Variants in VPS35L observed in about 807,000 individuals in gnomAD.
VPS35L encodes the protein VPS35 endosomal protein-sorting factor-like.
VPS35L carries 83 observed loss-of-function variants against 133.0 expected under a neutral mutation model. The observed-to-expected ratio is 0.62, with a 90% CI of 0.52 to 0.75. The LOEUF is 0.75. Among genes scored for constraint, VPS35L ranks in the 30% least tolerant of loss-of-function variants. VPS35L has a pLI of 0.00. For missense variants in VPS35L, 1,083 were observed against 1,206.8 expected (o/e 0.90, Z 1.52); for synonymous variants, 423 against 449.9 (o/e 0.94, Z 0.76).
intron 2 of VPS35L, among the ~76,000 whole-genome samples, chr16:19,568,512 C>G (rs944687391): frequency 2.6e-5 from 4 of 151,982 alleles, no homozygotes; most frequent in Non-Finnish European, 5.9e-5. Context: ...GCTGAAAGCT[C>G]CAATCTTCTA....
At chr16:19,677,764 C>T (rs1975114902) in intron 27 of VPS35L, among the ~76,000 whole-genome samples, 1 of 152,224 alleles carries the variant, frequency 6.6e-6, no homozygotes, top group Non-Finnish European at 1.5e-5. Flanking sequence ...CCCCTGCCCT[C>T]CCACTATCTC....
chr16:19,610,256 T>TA, intron 11 of VPS35L, 66 bp from the exon 12 acceptor site: 1 of 1,360,830 alleles, frequency 7.3e-7, no homozygotes, highest in Non-Finnish European at 1.0e-6. Context: ...TATCTTTATT[T>TA]AAAAAATTAA....
intron 19 of VPS35L, among the ~76,000 whole-genome samples, chr16:19,634,433 A>C (rs1032981831): frequency 1.3e-5 from 2 of 151,346 alleles, no homozygotes; most frequent in Non-Finnish European, 3.0e-5. Context: ...AAAAAAAAAA[A>C]AACCCACTAA....
intron 26 of VPS35L, among the ~76,000 whole-genome samples, chr16:19,668,657 A>G (rs1040052067): frequency 2.0e-5 from 3 of 151,762 alleles, no homozygotes; most frequent in Non-Finnish European, 4.4e-5. Flanking sequence ...CTATTTAACA[A>G]AAATGGTGTG....
At chr16:19,688,452 G>A (rs186538893) in intron 28 of VPS35L, among the ~76,000 whole-genome samples, 1 of 152,328 alleles carries the variant, frequency 6.6e-6, no homozygotes, top group African/African-American at 2.4e-5. Flanking sequence ...CCACAAAACT[G>A]GATTAGCCGT....
chr16:19,588,554 C>G (rs1971945098), intron 7 of VPS35L, among the ~76,000 whole-genome samples: 1 of 151,780 alleles, frequency 6.6e-6, no homozygotes, highest in South Asian at 2.1e-4. Flanking sequence ...TTTCACTGTT[C>G]TGGGCCCTTT....
At chr16:19,567,919 G>A (rs1322555791) in intron 2 of VPS35L, among the ~76,000 whole-genome samples, 3 of 150,946 alleles carry the variant, frequency 2.0e-5, no homozygotes, top group Non-Finnish European at 4.4e-5. Context: ...ACAGTGAACC[G>A]TGATCACACC....
At chr16:19,677,374 G>A (rs997210085) in intron 27 of VPS35L, among the ~76,000 whole-genome samples, 1 of 152,072 alleles carries the variant, frequency 6.6e-6, no homozygotes, top group Non-Finnish European at 1.5e-5. Flanking sequence ...TGAGCCATGC[G>A]TCCAGCAAGA....
intron 6 of VPS35L, chr16:19,579,437 T>C (rs1380287343): frequency 9.3e-6 from 2 of 215,466 alleles, no homozygotes; most frequent in Non-Finnish European, 1.9e-5. Context: ...GGCTCACGCC[T>C]GTAATCCCAG....
chr16:19,645,671 T>TC (rs1364802651), intron 23 of VPS35L, among the ~76,000 whole-genome samples: 1 of 151,792 alleles, frequency 6.6e-6, no homozygotes, highest in South Asian at 2.1e-4. Flanking sequence ...CAGGTTTCCA[T>TC]CCCCCCCAGC....
intron 8 of VPS35L, among the ~76,000 whole-genome samples, chr16:19,598,536 C>A (rs960409521): frequency 5.3e-5 from 8 of 152,138 alleles, no homozygotes; most frequent in African/African-American, 1.9e-4. Flanking sequence ...GTAATCCCAG[C>A]ACTTTGGGAA....
At chr16:19,662,232 C>A (rs569693259) in intron 26 of VPS35L, among the ~76,000 whole-genome samples, 2 of 151,996 alleles carry the variant, frequency 1.3e-5, no homozygotes, top group African/African-American at 4.8e-5. Flanking sequence ...AGGCCAGGCA[C>A]GGTGGCTCAT....
chr16:19,610,413 C>T lies in VPS35L; in HGVS notation c.1021C>T (p.Arg341Trp), dbSNP rs766562519. ...VSVYARAYLC[R>W]VGMEVAPHLK... ...GGTGTATGCCCGTGCCTACCTGTGC[C>T]GGGTAGGCCATGCGAGTCACTGCCC... The change falls in exon 12 of 31, where the codon CGG becomes TGG. Residue 341 changes from arginine (R) to tryptophan (W), a missense_variant and splice_region_variant. By Grantham distance (101) the Arg-to-Trp change is moderately radical. Transcript: ENST00000417362. 3.0e-5 allele frequency: 49 copies of T among 1,613,320 alleles called. No individual in the cohort carries two copies. Among genetic ancestry groups the T allele is most frequent in the East Asian group, 4.5e-5 (2 of 44,878 alleles).
At chr16:19,582,250 G>C (rs1354196394) in intron 7 of VPS35L, among the ~76,000 whole-genome samples, 1 of 152,172 alleles carries the variant, frequency 6.6e-6, no homozygotes, top group Non-Finnish European at 1.5e-5. Context: ...AGATCCTGCT[G>C]TCTCAGCAAA....
At position 19,639,989 on chromosome 16, in the gene VPS35L, A is replaced by C; in HGVS notation, c.1699-26A>C. On this transcript the variant is annotated intron_variant, in intron 20 of 30. Coordinates refer to ENST00000417362, the MANE Select transcript of VPS35L (RefSeq NM_020314.7). The surrounding 1 kb of genome is among the most constrained non-coding windows in gnomAD (Gnocchi z 4.1). ...CCTTCCAATAACTTGTGTCATTTGC[A>C]TATAGAGTGCTTGCTTTATTTATAG... The C allele has an allele frequency of 6.3e-7, 1 of 1,582,842 alleles. No homozygotes were observed. The highest frequency in any genetic ancestry group is 1.1e-5 in the South Asian group (1 of 90,268).
In VPS35L at chr16:19,700,270, C is replaced by T. The variant is rs141881842; in HGVS notation, c.2794-108C>T. 5.4e-4 allele frequency: 519 copies of T among 959,700 alleles called. 2 individuals carry two copies. The African/African-American group carries it at 7.4e-3, about 14-fold the overall frequency. The allele number at this position is 959,700 out of a possible 1,614,324, so 59.4% of individuals were successfully genotyped here. ...CTCCTCTCATCCCTCAAAAAACTCA[C>T]TCTTCTCTGCTAAGAAATCTAAGCT... is the stretch of plus-strand genomic sequence containing the variant. On this transcript the variant is annotated intron_variant, in intron 30 of 30. Transcript: ENST00000417362.
intron 26 of VPS35L, among the ~76,000 whole-genome samples, chr16:19,663,713 A>AG (rs1221794061): frequency 1.4e-5 from 1 of 71,962 alleles, no homozygotes; most frequent in African/African-American, 5.8e-5. Context: ...TTGGAACTTT[A>AG]AGCTGTTTTC....
intron 24 of VPS35L, among the ~76,000 whole-genome samples, chr16:19,649,934 T>A (rs1027516868): frequency 6.6e-6 from 1 of 152,210 alleles, no homozygotes; most frequent in Non-Finnish European, 1.5e-5. Flanking sequence ...CTATTAGTGA[T>A]GATGTGGCTA....
intron 9 of VPS35L, among the ~76,000 whole-genome samples, chr16:19,603,098 T>C (rs1247835091): frequency 6.6e-6 from 1 of 152,122 alleles, no homozygotes; most frequent in African/African-American, 2.4e-5. Flanking sequence ...TGCACATTTG[T>C]CAGAAAGAAA....
Sources: gnomAD v4.1 joint callset for allele counts (sites outside exome capture counted in the v4.1 genomes callset) on GRCh38, gnomAD v4.1.1 for gene constraint, Gnocchi (gnomAD v3.1) non-coding constraint, MANE v1.5 for transcripts, NCBI Gene and HGNC (gene_info 2026-07-23, HGNC 2026-07-21) for gene names.